The following H3C4 variants were observed in gnomAD, a reference collection of about 807,000 sequenced individuals.
The protein encoded by H3C4 is histone H3.1.
H3C4 carries 10 observed loss-of-function variants against 8.7 expected under a neutral mutation model. The observed-to-expected ratio is 1.15, with a 90% CI of 0.71 to 1.96. The LOEUF (loss-of-function observed/expected upper bound fraction) is 1.96, where lower values mean the gene tolerates loss of function less well. Ranked by LOEUF, H3C4 falls within the 30% of genes most tolerant of loss-of-function variation. H3C4 has a pLI of 0.00. For synonymous variants in H3C4, 141 were observed against 80.1 expected (o/e 1.76, Z -4.06); for missense variants, 216 against 192.9 (o/e 1.12, Z -0.71).
upstream of H3C4, chr6:26,197,382 C>T (rs553466301): frequency 2.3e-5 from 19 of 815,152 alleles, no homozygotes; most frequent in South Asian, 3.3e-4. Context: ...TGGAGACGCC[C>T]ACTCCCTGAC....
At chr6:26,198,064 G>A (rs146943164), upstream of H3C4, among the ~76,000 whole-genome samples, 24 of 152,172 alleles carry the variant, frequency 1.6e-4, no homozygotes, top group East Asian at 3.9e-3. Flanking sequence ...AAAGTGGCTT[G>A]CAAAAACAAA....
chr6:26,197,218 GGA>G lies in H3C4; in HGVS notation c.31_32del (p.Ser11HisfsTer63). MARTKQTARK[S>X]TGGKAPRKQL... is the part of the protein sequence containing the mutation. ...GCTTGCGTGGCGCTTTCCCACCCGT[GGA>G]CTTGCGAGCAGTCTGCTTGGTACGA... On this transcript the variant is annotated frameshift_variant, in exon 1 of 1. Transcript: ENST00000356476. LOFTEE classifies it high-confidence loss of function. 1 of 1,613,854 alleles carries G rather than the reference GGA, an allele frequency of 6.2e-7. No individual in the cohort carries two copies. Among genetic ancestry groups the G allele is most frequent in the Non-Finnish European group, 8.5e-7 (1 of 1,179,948 alleles).
At chr6:26,199,163 A>G, upstream of H3C4, 1 of 1,614,114 alleles carries the variant, frequency 6.2e-7, no homozygotes, top group Non-Finnish European at 8.5e-7. Context: ...CGCGGCCCAC[A>G]GGGAACTGGA....
At position 26,197,021 on chromosome 6, in the gene H3C4, T is replaced by TG; in HGVS notation, c.229dup (p.Gln77ProfsTer6). On this transcript the variant is annotated frameshift_variant, in exon 1 of 1. Transcript: ENST00000356476. LOFTEE classifies it high-confidence loss of function. ...AAAACGCAGATCAGTCTTGAAGTCC[T>TG]GCGCGATCTCACGGACTAGACGCTG... The TG allele has an allele frequency of 6.2e-7, 1 of 1,614,252 alleles. No individual in the cohort carries two copies. The highest frequency in any genetic ancestry group is 8.5e-7 in the Non-Finnish European group (1 of 1,180,048).
upstream of H3C4, among the ~76,000 whole-genome samples, chr6:26,198,057 G>C (rs1765022803): frequency 6.6e-6 from 1 of 152,172 alleles, no homozygotes; most frequent in Non-Finnish European, 1.5e-5. Flanking sequence ...AGAGTTGAAA[G>C]TGGCTTGCAA....
chr6:26,196,881 C>T lies in H3C4; in HGVS notation c.370G>A (p.Asp124Asn), dbSNP rs367717762. 1.9e-5 allele frequency: 31 copies of T among 1,614,100 alleles called. No individual in the cohort carries two copies. Among genetic ancestry groups the T allele is most frequent in the Non-Finnish European group, 2.5e-5 (30 of 1,180,046 alleles). Residue 124 changes from aspartate (D) to asparagine (N), a missense_variant, in exon 1 of 1, where the codon GAC (aspartate) becomes AAC (asparagine). Physicochemically the swap from Asp to Asn is conservative, Grantham distance 23. Transcript: ENST00000356476. ...HAKRVTIMPK[D>N]IQLARRIRGE... is the part of the protein sequence containing the mutation. ...CGAATGCGGCGAGCAAGCTGGATGT[C>T]CTTGGGCATGATAGTCACTCGCTTG... is the stretch of plus-strand genomic sequence containing the variant.
upstream of H3C4, among the ~76,000 whole-genome samples, chr6:26,197,484 G>A (rs184755441): frequency 2.0e-5 from 3 of 152,146 alleles, no homozygotes; most frequent in East Asian, 5.8e-4. Context: ...TCTGTGCCAT[G>A]TTTCTAGCTT....
chr6:26,199,182 C>G, upstream of H3C4: 1 of 1,614,040 alleles, frequency 6.2e-7, no homozygotes, highest in Non-Finnish European at 8.5e-7. Flanking sequence ...GAGTCCGGCC[C>G]GCGAAGAGCG....
upstream of H3C4, chr6:26,199,207 C>G (rs762488425): frequency 1.9e-6 from 3 of 1,609,686 alleles, no homozygotes; most frequent in Non-Finnish European, 2.5e-6. Flanking sequence ...TTAGCCTTAG[C>G]TCGGGCCTTT....
Position 26,196,926 on chromosome 6 carries a change from T to C in H3C4, c.325A>G (p.Asn109Asp). The C allele has an allele frequency of 6.2e-7, 1 of 1,614,234 alleles. No individual in the cohort carries two copies. The highest frequency in any genetic ancestry group is 8.5e-7 in the Non-Finnish European group (1 of 1,180,034). ...AYLVGLFEDT[N>D]LCAIHAKRVT... ...CGCTTGGCGTGAATGGCGCATAGGT[T>C]GGTGTCCTCAAACAGCCCCACCAGG... Residue 109 changes from asparagine to aspartate, a missense_variant, in exon 1 of 1, where the codon AAC (asparagine) becomes GAC (aspartate). Asn to Asp is a conservative substitution (Grantham distance 23). Coordinates refer to ENST00000356476, the MANE Select transcript of H3C4 (RefSeq NM_001376937.1).
chr6:26,198,274 T>C (rs1332611765), upstream of H3C4, among the ~76,000 whole-genome samples: 1 of 132,756 alleles, frequency 7.5e-6, no homozygotes, highest in Non-Finnish European at 1.5e-5. Flanking sequence ...GCCGCTGCAT[T>C]GATCGATTTA....
upstream of H3C4, chr6:26,199,261 G>T: frequency 1.3e-6 from 2 of 1,587,422 alleles, no homozygotes; most frequent in South Asian, 1.2e-5. Context: ...TCTTAAAAAC[G>T]ATGTTAAGCA....
chr6:26,197,016 A>T lies in H3C4; in HGVS notation c.235T>A (p.Phe79Ile). ...CTCTGAAAACGCAGATCAGTCTTGA[A>T]GTCCTGCGCGATCTCACGGACTAGA... Reference protein sequence around the residue: ...QRLVREIAQDFKTDLRFQSSA... With the variant: ...QRLVREIAQDIKTDLRFQSSA... The change falls in exon 1 of 1, where the codon TTC (phenylalanine) becomes ATC (isoleucine). Residue 79 changes from phenylalanine (F) to isoleucine (I), a missense_variant. By Grantham distance (21) the Phe-to-Ile change is conservative. Coordinates refer to ENST00000356476, the MANE Select transcript of H3C4 (RefSeq NM_001376937.1). 6.2e-7 allele frequency: 1 copy of T among 1,614,246 alleles called. No individual in the cohort carries two copies. Among genetic ancestry groups the T allele is most frequent in the Non-Finnish European group, 8.5e-7 (1 of 1,180,036 alleles).
At chr6:26,199,068 A>T, upstream of H3C4, 6 of 1,614,148 alleles carry the variant, frequency 3.7e-6, no homozygotes, top group Non-Finnish European at 5.1e-6. Context: ...CTCGGCGGTC[A>T]GGTACTCCAA....
chr6:26,198,986 C>T (rs377338811), upstream of H3C4: 8 of 1,614,174 alleles, frequency 5.0e-6, no homozygotes, highest in South Asian at 6.6e-5. Flanking sequence ...TGCGGATGGC[C>T]AGCTGCAGGT....
chr6:26,198,986 C>A (rs377338811), upstream of H3C4: 8 of 1,614,056 alleles, frequency 5.0e-6, no homozygotes, highest in Non-Finnish European at 6.8e-6. Context: ...TGCGGATGGC[C>A]AGCTGCAGGT....
upstream of H3C4, chr6:26,197,389 T>C (rs1327698082): frequency 1.0e-5 from 8 of 763,028 alleles, no homozygotes; most frequent in African/African-American, 1.8e-5. Context: ...GCCCACTCCC[T>C]GACAGAACAT....
chr6:26,197,792 A>T (rs1048577359), upstream of H3C4, among the ~76,000 whole-genome samples: 4 of 150,184 alleles, frequency 2.7e-5, no homozygotes, highest in Non-Finnish European at 5.9e-5. Context: ...AAGCTACATG[A>T]ACACATTTAA....
chr6:26,197,412 G>T, upstream of H3C4: 1 of 655,634 alleles, frequency 1.5e-6, no homozygotes. Context: ...CCTGCATGTA[G>T]ACCAAATATT....
Sources: allele counts gnomAD v4.1 joint callset (sites outside exome capture counted in the v4.1 genomes callset), GRCh38; gene constraint gnomAD v4.1.1; transcripts MANE v1.5; gene names NCBI Gene and HGNC (gene_info 2026-07-23, HGNC 2026-07-21).